Variants in BABAM2 observed in about 807,000 individuals in gnomAD.
The protein encoded by BABAM2 is BRISC and BRCA1 A complex member 2.
Under a neutral mutation model 54.7 loss-of-function variants are expected in BABAM2, and 31 were observed. The observed-to-expected ratio is 0.57, with a 90% CI of 0.43 to 0.77. The LOEUF (loss-of-function observed/expected upper bound fraction) is 0.77. Ranked by LOEUF, BABAM2 falls within the 30% of genes least tolerant of loss-of-function variation. BABAM2 has a pLI of 0.00. For missense variants in BABAM2, 364 were observed against 455.8 expected (o/e 0.80, Z 1.83); for synonymous variants, 167 against 162.9 (o/e 1.03, Z -0.19).
At chr2:28,147,543 G>A (rs779629259) in intron 7 of BABAM2, among the ~76,000 whole-genome samples, 6 of 150,790 alleles carry the variant, frequency 4.0e-5, no homozygotes, top group Non-Finnish European at 7.4e-5. Flanking sequence ...GCACGATCTT[G>A]GCTCACTGCA....
At chr2:28,200,075 A>G (rs1291443548) in intron 7 of BABAM2, among the ~76,000 whole-genome samples, 6 of 152,204 alleles carry the variant, frequency 3.9e-5, no homozygotes, top group African/African-American at 1.4e-4. Context: ...ATTCTTGTTT[A>G]CCTTCTTCAT....
intron 6 of BABAM2, among the ~76,000 whole-genome samples, chr2:28,054,957 T>C (rs1396617258): frequency 4.6e-5 from 7 of 152,202 alleles, no homozygotes; most frequent in African/African-American, 1.4e-4. Flanking sequence ...TTTCAAAGTA[T>C]TGAATTTACT....
intron 10 of BABAM2, among the ~76,000 whole-genome samples, chr2:28,251,175 A>G (rs1270208662): frequency 6.6e-6 from 1 of 151,736 alleles, no homozygotes; most frequent in Non-Finnish European, 1.5e-5. Flanking sequence ...TTGTTCATTC[A>G]TTGGTTTTCA....
At chr2:28,104,799 T>A (rs957441416) in intron 6 of BABAM2, among the ~76,000 whole-genome samples, 2 of 152,174 alleles carry the variant, frequency 1.3e-5, no homozygotes, top group Non-Finnish European at 2.9e-5. Context: ...CAAATGTCCA[T>A]CAATGATAGA....
Position 27,999,409 on chromosome 2 carries a change from G to A in BABAM2, c.300+11322G>A, listed in dbSNP as rs577146681. On this transcript the variant is annotated intron_variant, in intron 4 of 11. Coordinates refer to ENST00000379624, the MANE Select transcript of BABAM2 (RefSeq NM_199191.3). Reference sequence around the variant, plus strand: ...AGTACAGAGAAGCATCATATACCAAGGATGGCATATTGGAAGCACTGAGCA... The same window carrying A: ...AGTACAGAGAAGCATCATATACCAAAGATGGCATATTGGAAGCACTGAGCA... 9.9e-5 allele frequency among the ~76,000 whole-genome samples: 15 copies of A among 152,206 alleles called. No homozygotes were observed. The South Asian group carries it at 3.1e-3, about 32-fold the overall frequency.
At chr2:28,121,160 A>G (rs1338123663) in intron 6 of BABAM2, among the ~76,000 whole-genome samples, 1 of 152,194 alleles carries the variant, frequency 6.6e-6, no homozygotes, top group Non-Finnish European at 1.5e-5. Flanking sequence ...CAGTGCTGCA[A>G]CATCCTCCTT....
intron 2 of BABAM2, among the ~76,000 whole-genome samples, chr2:27,906,356 C>T (rs1030659199): frequency 6.6e-6 from 1 of 152,150 alleles, no homozygotes; most frequent in Non-Finnish European, 1.5e-5. Flanking sequence ...TTCTTTTCTA[C>T]CCTGGGTAGT....
intron 4 of BABAM2, among the ~76,000 whole-genome samples, chr2:28,014,481 C>G (rs1674650180): frequency 2.6e-5 from 4 of 152,276 alleles, no homozygotes; most frequent in Middle Eastern, 6.8e-3. Context: ...AATGTGAGGA[C>G]TTAACCTAAC....
At chr2:28,169,215 T>C (rs1640134659) in intron 7 of BABAM2, among the ~76,000 whole-genome samples, 1 of 152,234 alleles carries the variant, frequency 6.6e-6, no homozygotes, top group East Asian at 1.9e-4. Flanking sequence ...CTTTAATTAT[T>C]GTGAATGTCT....
At chr2:27,919,372 T>C (rs113210519) in intron 2 of BABAM2, among the ~76,000 whole-genome samples, 7,556 of 152,250 alleles carry the variant, frequency 0.05, 554 homozygotes, top group African/African-American at 0.16. Context: ...GGCTAAGACC[T>C]CCAGTACAAT....
At position 28,329,495 on chromosome 2, in the gene BABAM2, G is replaced by T. The variant is rs1185191260; in HGVS notation, c.1089-8955G>T. On this transcript the variant is annotated intron_variant, in intron 11 of 11. Coordinates refer to ENST00000379624, the MANE Select transcript of BABAM2 (RefSeq NM_199191.3). The surrounding 1 kb of genome is among the most constrained non-coding windows in gnomAD (Gnocchi z 4.2). ...CTAGTCAATAAAAAATGATAAAGGGGCTATCACCACTGACCCCACAGAAAT... is the reference window on the plus strand; with the variant it reads ...CTAGTCAATAAAAAATGATAAAGGGTCTATCACCACTGACCCCACAGAAAT... Among the ~76,000 whole-genome samples, 1 of 152,098 alleles carries T rather than the reference G, an allele frequency of 6.6e-6. No individual in the cohort carries two copies. The highest frequency in any genetic ancestry group is 2.4e-5 in the African/African-American group (1 of 41,394).
At chr2:27,923,650 GT>G (rs1667484765) in intron 2 of BABAM2, among the ~76,000 whole-genome samples, 2 of 151,666 alleles carry the variant, frequency 1.3e-5, no homozygotes, top group African/African-American at 4.8e-5. Context: ...ATAGTTCATA[GT>G]TCATGTTCAT....
rs532331522 is a variant in BABAM2, at chr2:28,312,000, T to C, written c.1088+13509T>C. Among the ~76,000 whole-genome samples the C allele has an allele frequency of 5.9e-5, 9 of 152,322 alleles. No homozygotes were observed. The East Asian group carries it at 1.7e-3, about 29-fold the overall frequency. ...TTTCAGATGTCAAGTTAAAACAGCT[T>C]CTTAGGAATTAGGCTTGACTGTTCA... On this transcript the variant is annotated intron_variant, in intron 11 of 11. Coordinates refer to ENST00000379624, the MANE Select transcript of BABAM2 (RefSeq NM_199191.3).
intron 7 of BABAM2, among the ~76,000 whole-genome samples, chr2:28,160,095 C>A (rs932087057): frequency 6.6e-6 from 1 of 152,106 alleles, no homozygotes; most frequent in Non-Finnish European, 1.5e-5. Flanking sequence ...GATCCTCCTC[C>A]ATGAGCCTTC....
chr2:28,016,611 A>G lies in BABAM2; in HGVS notation c.301-8615A>G, dbSNP rs995377296. On this transcript the variant is annotated intron_variant, in intron 4 of 11. Coordinates refer to ENST00000379624, the MANE Select transcript of BABAM2 (RefSeq NM_199191.3). Reference sequence around the variant, plus strand: ...CATCCCAGAATCCACTGTGTTTTAGACTGCAATGAACAGCTTCAAACATCA... The same window carrying G: ...CATCCCAGAATCCACTGTGTTTTAGGCTGCAATGAACAGCTTCAAACATCA... 45 of 488,988 alleles carry G rather than the reference A, an allele frequency of 9.2e-5. 1 individual carries two copies. The highest frequency in any genetic ancestry group is 6.7e-4 in the African/African-American group (34 of 50,844). The allele number at this position is 488,988 out of a possible 1,614,324, so 30.3% of individuals were successfully genotyped here.
chr2:28,150,516 G>A (rs535538024), intron 7 of BABAM2, among the ~76,000 whole-genome samples: 16 of 152,338 alleles, frequency 1.1e-4, no homozygotes, highest in African/African-American at 3.8e-4. Flanking sequence ...TGTTCTGATA[G>A]AAGTTTGAAC....
chr2:28,253,522 AT>A (rs1431532379), intron 10 of BABAM2, among the ~76,000 whole-genome samples: 2 of 152,176 alleles, frequency 1.3e-5, no homozygotes, highest in African/African-American at 2.4e-5. Flanking sequence ...AGAATAACCC[AT>A]TTTACAAATA....
chr2:28,060,178 T>G (rs1678745891), intron 6 of BABAM2, among the ~76,000 whole-genome samples: 1 of 152,164 alleles, frequency 6.6e-6, no homozygotes, highest in Non-Finnish European at 1.5e-5. Flanking sequence ...ATCCCAGGGA[T>G]GTAAGGTAGG....
chr2:28,175,863 A>G (rs990681656), intron 7 of BABAM2, among the ~76,000 whole-genome samples: 1 of 152,228 alleles, frequency 6.6e-6, no homozygotes, highest in Non-Finnish European at 1.5e-5. Flanking sequence ...CACTGCTGCC[A>G]GAGAACTGGC....
Sources: gnomAD v4.1 joint callset for allele counts (sites outside exome capture counted in the v4.1 genomes callset) on GRCh38, gnomAD v4.1.1 for gene constraint, Gnocchi (gnomAD v3.1) non-coding constraint, MANE v1.5 for transcripts, NCBI Gene and HGNC (gene_info 2026-07-23, HGNC 2026-07-21) for gene names.